The following CPLX1 variants were observed in gnomAD, a reference collection of about 807,000 sequenced individuals.
CPLX1 encodes the protein complexin-1.
In CPLX1, 6 loss-of-function variants were observed where a neutral mutation model predicts 15.6. That is an observed-to-expected ratio of 0.39 (90% CI 0.21 to 0.76). The LOEUF is 0.76. Among genes scored for constraint, CPLX1 ranks in the 30% least tolerant of loss-of-function variants. The pLI is 0.43. For synonymous variants in CPLX1, 91 were observed against 75.2 expected, an observed-to-expected ratio of 1.21 and a Z score of -1.08; for missense variants, 242 against 188.6, an observed-to-expected ratio of 1.28 and a Z score of -1.66.
chr4:788,065 T>C, intron 3 of CPLX1: 1 of 985,394 alleles, frequency 1.0e-6, no homozygotes, highest in Non-Finnish European at 1.2e-6. Flanking sequence ...ACCAGCACTC[T>C]ACAGGACGGA....
intron 2 of CPLX1, among the ~76,000 whole-genome samples, chr4:814,313 A>T (rs1324896071): frequency 6.6e-6 from 1 of 152,106 alleles, no homozygotes. Context: ...CCTGGGTTCA[A>T]GTGATTCTCC....
Position 792,602 on chromosome 4 carries a change from G to C in CPLX1, c.38C>G (p.Thr13Ser), listed in dbSNP as rs1355748719. 1 of 1,611,210 alleles carries C rather than the reference G, an allele frequency of 6.2e-7. No homozygotes were observed. Among genetic ancestry groups the C allele is most frequent in the Non-Finnish European group, 8.5e-7 (1 of 1,178,780 alleles). ...FVMKQALGGATKDMGKMLGGD... is the reference protein window; with the variant it reads ...FVMKQALGGASKDMGKMLGGD... ...CCCCAGCATCTTCCCCATGTCCTTG[G>C]TGGCCCCTGGTACAGAAGTTGGTGA... Residue 13 changes from threonine (T) to serine (S), a missense_variant, in exon 3 of 4, where the codon ACC becomes AGC. Thr to Ser is a moderately conservative substitution (Grantham distance 58). Coordinates refer to ENST00000304062, the MANE Select transcript of CPLX1 (RefSeq NM_006651.4).
intron 2 of CPLX1, among the ~76,000 whole-genome samples, chr4:804,207 G>A (rs1577477390): frequency 6.6e-6 from 1 of 152,184 alleles, no homozygotes; most frequent in Non-Finnish European, 1.5e-5. Context: ...TATAAAAGAA[G>A]ACAGCCAATT....
intron 2 of CPLX1, chr4:804,643 T>G (rs1305652594): frequency 1.3e-6 from 1 of 778,266 alleles, no homozygotes; most frequent in African/African-American, 1.9e-5. Context: ...ACCTTCAGCT[T>G]AAACTCCAAC....
intron 2 of CPLX1, chr4:804,821 G>A: frequency 1.0e-6 from 1 of 985,438 alleles, no homozygotes; most frequent in Non-Finnish European, 1.2e-6. Context: ...CAGCCTGGAG[G>A]CCGGCAAGCG....
chr4:823,732 C>T (rs1182252831), intron 2 of CPLX1, among the ~76,000 whole-genome samples: 1 of 152,244 alleles, frequency 6.6e-6, no homozygotes, highest in Non-Finnish European at 1.5e-5. Flanking sequence ...CCAGGCCCTG[C>T]CCACCTCCTG....
chr4:804,033 T>A (rs1401775679), intron 2 of CPLX1, among the ~76,000 whole-genome samples: 1 of 152,242 alleles, frequency 6.6e-6, no homozygotes, highest in African/African-American at 2.4e-5. Flanking sequence ...TACTGCGGTG[T>A]TCAGTGAGAT....
intron 2 of CPLX1, among the ~76,000 whole-genome samples, chr4:821,710 G>A (rs1367995246): frequency 1.3e-5 from 2 of 152,170 alleles, no homozygotes; most frequent in African/African-American, 2.4e-5. Flanking sequence ...CCAGTTCAAG[G>A]CCACTTTTGC....
At chr4:798,703 T>C (rs1040898598) in intron 2 of CPLX1, among the ~76,000 whole-genome samples, 27 of 152,244 alleles carry the variant, frequency 1.8e-4, no homozygotes, top group African/African-American at 6.0e-4. Flanking sequence ...GGCCAGATAG[T>C]GCTTTCAGAA....
chr4:796,687 A>C (rs1437505717), intron 2 of CPLX1, among the ~76,000 whole-genome samples: 1 of 152,252 alleles, frequency 6.6e-6, no homozygotes, highest in East Asian at 1.9e-4. Flanking sequence ...AAATAAAGAA[A>C]GACACTTGTT....
chr4:822,016 A>C (rs12511420), intron 2 of CPLX1, among the ~76,000 whole-genome samples: 1 of 151,984 alleles, frequency 6.6e-6, no homozygotes, highest in African/African-American at 2.4e-5. Context: ...TGCATGTGCC[A>C]TGCTGCCTGC....
intron 2 of CPLX1, among the ~76,000 whole-genome samples, chr4:796,617 T>C (rs573463737): frequency 1.3e-5 from 2 of 152,324 alleles, no homozygotes; most frequent in South Asian, 4.1e-4. Context: ...AAATGCTTTT[T>C]AACTTGAAAT....
At chr4:807,122 C>T (rs1746569976) in intron 2 of CPLX1, among the ~76,000 whole-genome samples, 1 of 152,280 alleles carries the variant, frequency 6.6e-6, no homozygotes, top group South Asian at 2.1e-4. Context: ...GGTACATATA[C>T]AACATGGAAT....
chr4:792,380 C>T, intron 3 of CPLX1, 53 bp downstream of exon 3: 1 of 1,436,300 alleles, frequency 7.0e-7, no homozygotes, highest in African/African-American at 1.5e-5. Context: ...GGATCTGGGT[C>T]CCCGCTGGAC....
Position 822,845 on chromosome 4 carries a change from C to T in CPLX1, c.31+1647G>A, listed in dbSNP as rs575188728. Among the ~76,000 whole-genome samples, 20 of 144,752 alleles carry T rather than the reference C, an allele frequency of 1.4e-4. No individual in the cohort carries two copies. The South Asian group carries it at 2.1e-3, about 15-fold the overall frequency. The allele number at this position is 144,752 out of a possible 152,430, so 95.0% of individuals were successfully genotyped here. ...CGACTGGAAGCCCCCCACCAGCTCC[C>T]GCCCTCAGCAGCTCTGGCTCCGAGC... On this transcript the variant is annotated intron_variant, in intron 2 of 3. Transcript: ENST00000304062.
Position 788,183 on chromosome 4 carries a change from C to T in CPLX1, c.208-1485G>A. On this transcript the variant is annotated intron_variant, in intron 3 of 3. Coordinates refer to ENST00000304062, the MANE Select transcript of CPLX1 (RefSeq NM_006651.4). ...TCTCAGCAGCCCCTCCCCATAGAAGCAGTTGGTTCTGCTCCTGGTGCTGGG... is the reference window on the plus strand; with the variant it reads ...TCTCAGCAGCCCCTCCCCATAGAAGTAGTTGGTTCTGCTCCTGGTGCTGGG... 6 of 985,244 alleles carry T rather than the reference C, an allele frequency of 6.1e-6. No homozygotes were observed. In the South Asian group the frequency reaches 1.9e-4, roughly 31 times the overall value. 61.0% of individuals were successfully genotyped at this position (985,244 alleles called of 1,614,324 possible).
chr4:792,404 C>T lies in CPLX1; in HGVS notation c.207+29G>A, dbSNP rs896808047. On this transcript the variant is annotated intron_variant, in intron 3 of 3. Coordinates refer to ENST00000304062, the MANE Select transcript of CPLX1 (RefSeq NM_006651.4). ...TCCCCGCTGGACTCAGGGCCGCCTT[C>T]CCGCAGGCGGGGCCGGCCCGGCGCG... is the stretch of plus-strand genomic sequence containing the variant. 4 of 1,503,248 alleles carry T rather than the reference C, an allele frequency of 2.7e-6. No homozygotes were observed. In the African/African-American group the frequency reaches 4.2e-5, roughly 16 times the overall value. 93.1% of individuals were successfully genotyped at this position (1,503,248 alleles called of 1,614,324 possible).
intron 2 of CPLX1, among the ~76,000 whole-genome samples, chr4:815,358 C>A (rs931416370): frequency 2.2e-5 from 3 of 138,504 alleles, no homozygotes; most frequent in Non-Finnish European, 3.0e-5. Context: ...TTTCAGTGAG[C>A]CGAGATTGTG....
intron 3 of CPLX1, among the ~76,000 whole-genome samples, chr4:789,756 T>C (rs1746111559): frequency 6.6e-6 from 1 of 152,124 alleles, no homozygotes; most frequent in Non-Finnish European, 1.5e-5. Flanking sequence ...GGCTGGACAC[T>C]CCAAAAGGAC....
Sources: allele counts gnomAD v4.1 joint callset (sites outside exome capture counted in the v4.1 genomes callset), GRCh38; gene constraint gnomAD v4.1.1; transcripts MANE v1.5; gene names NCBI Gene and HGNC (gene_info 2026-07-23, HGNC 2026-07-21).